ABI2: variants seen among roughly 807,000 people sequenced by gnomAD.
ABI2 encodes abelson interactor 2.
In ABI2, 25 loss-of-function variants were observed where a neutral mutation model predicts 59.2. The observed-to-expected ratio is 0.42, with a 90% CI of 0.31 to 0.59. ABI2 has a LOEUF of 0.59. ABI2 is among the 20% of genes least tolerant of loss of function. The pLI is 0.14. For synonymous variants in ABI2, 213 were observed against 235.5 expected (o/e 0.90, Z 0.87); for missense variants, 545 against 681.8 (o/e 0.80, Z 2.23).
rs1015558645 is a variant in ABI2, at chr2:203,428,555, T to C, written c.*1203T>C. On this transcript the variant is annotated 3_prime_UTR_variant, in exon 12 of 12. Transcript: ENST00000261018. ...CTAAGAATATAATGAATAAGATTAA[T>C]AGGCCAAAATATGTATCTAATCACA... 1.3e-5 allele frequency: 2 copies of C among 152,614 alleles called. No homozygotes were observed. The highest frequency in any genetic ancestry group is 1.3e-4 in the Admixed American group (2 of 15,272). The allele number at this position is 152,614 out of a possible 1,614,324, so 9.5% of individuals were successfully genotyped here. A position where few individuals can be genotyped will look rare whatever the true frequency, so the allele number is the denominator to read the frequency against.
intron 2 of ABI2, among the ~76,000 whole-genome samples, chr2:203,370,468 G>T (rs757788486): frequency 1.3e-5 from 2 of 151,902 alleles, no homozygotes; most frequent in African/African-American, 4.8e-5. Flanking sequence ...TTTCTTTTTT[G>T]TGTGTGTATT....
At position 203,391,128 on chromosome 2, in the gene ABI2, G is replaced by C; in HGVS notation, c.563G>C (p.Gly188Ala). The C allele has an allele frequency of 6.2e-7, 1 of 1,612,558 alleles. No homozygotes were observed. Residue 188 changes from glycine (G) to alanine (A), a missense_variant, in exon 5 of 12, where the codon GGG (glycine) becomes GCG (alanine). Coordinates refer to ENST00000261018, the MANE Select transcript of ABI2 (RefSeq NM_001375670.1). Reference sequence around the variant, plus strand: ...AAGCCCCCTAGTCCCCCTATGTCAGGGAAAGGGACACTTGGGTGAGTATAT... The same window carrying C: ...AAGCCCCCTAGTCCCCCTATGTCAGCGAAAGGGACACTTGGGTGAGTATAT... ...TQKPPSPPMS[G>A]KGTLGRHSPY...
intron 1 of ABI2, among the ~76,000 whole-genome samples, chr2:203,364,852 A>C (rs1040142137): frequency 1.3e-5 from 2 of 151,210 alleles, no homozygotes; most frequent in African/African-American, 4.9e-5. Flanking sequence ...TCCCACCTCA[A>C]CCTCTCTAGT....
chr2:203,332,182 A>G (rs577361269), intron 1 of ABI2, among the ~76,000 whole-genome samples: 42 of 152,048 alleles, frequency 2.8e-4, no homozygotes, highest in African/African-American at 8.7e-4. Context: ...GATAGTCAAT[A>G]TTTTTTCTAA....
At chr2:203,362,827 T>G (rs1051398152) in intron 1 of ABI2, among the ~76,000 whole-genome samples, 9 of 151,464 alleles carry the variant, frequency 5.9e-5, no homozygotes, top group African/African-American at 2.2e-4. Context: ...ACACCTAGCC[T>G]ATATTTTAAA....
At chr2:203,346,023 T>C (rs564271009) in intron 1 of ABI2, among the ~76,000 whole-genome samples, 50 of 151,342 alleles carry the variant, frequency 3.3e-4, no homozygotes, top group African/African-American at 1.0e-3. Context: ...CTACTAAAAA[T>C]ACACACGCGC....
intron 1 of ABI2, among the ~76,000 whole-genome samples, chr2:203,356,708 G>A (rs972756759): frequency 5.9e-5 from 9 of 152,072 alleles, no homozygotes; most frequent in African/African-American, 1.7e-4. Context: ...GTCTCACCAT[G>A]TTGCCCAGTC....
chr2:203,424,557 G>C (rs2098357652), intron 11 of ABI2, among the ~76,000 whole-genome samples: 1 of 151,982 alleles, frequency 6.6e-6, no homozygotes, highest in African/African-American at 2.4e-5. Context: ...ACCATGCCTG[G>C]CTAATTTATT....
intron 1 of ABI2, among the ~76,000 whole-genome samples, chr2:203,354,087 C>T (rs1309212740): frequency 1.3e-5 from 2 of 152,140 alleles, no homozygotes; most frequent in Non-Finnish European, 2.9e-5. Context: ...CTCTGTCGCC[C>T]AGGTTGGAGT....
chr2:203,343,368 CAT>C (rs559614903), intron 1 of ABI2, among the ~76,000 whole-genome samples: 114 of 152,246 alleles, frequency 7.5e-4, no homozygotes, highest in African/African-American at 2.6e-3. Context: ...TCTCAAAAAA[CAT>C]AAAAAAATTT....
At chr2:203,328,977 C>G (rs1254314131) in intron 1 of ABI2, 1 of 193,366 alleles carries the variant, frequency 5.2e-6, no homozygotes, top group African/African-American at 2.3e-5. Flanking sequence ...TGACGGAATC[C>G]TGCTCCCCAC....
At position 203,392,318 on chromosome 2, in the gene ABI2, CAACAACAACAACAA is replaced by C. The variant is rs1559313372; in HGVS notation, c.578+1176_578+1189del. Among the ~76,000 whole-genome samples, 53 of 106,544 alleles carry C rather than the reference CAACAACAACAACAA, an allele frequency of 5.0e-4. 1 individual carries two copies. Among genetic ancestry groups the C allele is most frequent in the Middle Eastern group, 5.0e-3 (1 of 202 alleles). The allele number at this position is 106,544 out of a possible 152,430, so 69.9% of individuals were successfully genotyped here. ...CCACCACCACCACCACCACCACCAA[CAACAACAACAACAA>C]CAACAACAACAAAACAACCACAAAC... On this transcript the variant is annotated intron_variant, in intron 5 of 11. Coordinates refer to ENST00000261018, the MANE Select transcript of ABI2 (RefSeq NM_001375670.1).
At chr2:203,380,555 T>G (rs1387974025) in intron 3 of ABI2, among the ~76,000 whole-genome samples, 171 bp downstream of exon 3, 1 of 152,222 alleles carries the variant, frequency 6.6e-6, no homozygotes, top group Non-Finnish European at 1.5e-5. Context: ...TTGCTTTTTC[T>G]TAGTGATGTA....
At position 203,431,766 on chromosome 2, in the gene ABI2, T is replaced by TA. The variant is rs2098485566; in HGVS notation, c.*4416dup. 1 of 151,782 alleles carries TA rather than the reference T, an allele frequency of 6.6e-6. No individual in the cohort carries two copies. The allele number at this position is 151,782 out of a possible 1,614,324, so 9.4% of individuals were successfully genotyped here. On this transcript the variant is annotated 3_prime_UTR_variant, in exon 12 of 12. Transcript: ENST00000261018. ...TATAAATGATCCTTGCTGAATATCT[T>TA]AAGGTTTTTTGTAAGAAAAAAGAAA...
chr2:203,384,029 T>C (rs559984608), intron 4 of ABI2, among the ~76,000 whole-genome samples: 5 of 152,302 alleles, frequency 3.3e-5, no homozygotes, highest in African/African-American at 1.2e-4. Context: ...AGTTTAACTT[T>C]TACTATTTTA....
At chr2:203,360,174 G>A (rs1042545903) in intron 1 of ABI2, among the ~76,000 whole-genome samples, 1 of 91,150 alleles carries the variant, frequency 1.1e-5, no homozygotes, top group Non-Finnish European at 2.0e-5. Flanking sequence ...GACAGAACGA[G>A]ACTCCATCTC....
chr2:203,401,435 A>G (rs1414227280), intron 8 of ABI2, among the ~76,000 whole-genome samples: 1 of 152,126 alleles, frequency 6.6e-6, no homozygotes, highest in Admixed American at 6.5e-5. Flanking sequence ...TGTCTGTAAG[A>G]AAAAGTTCTC....
At chr2:203,334,913 G>C (rs1478914213) in intron 1 of ABI2, among the ~76,000 whole-genome samples, 1 of 152,080 alleles carries the variant, frequency 6.6e-6, no homozygotes, top group African/African-American at 2.4e-5. Context: ...CGCCCGCCTC[G>C]GCCTCCCAAA....
chr2:203,372,734 G>T (rs1431561977), intron 2 of ABI2, among the ~76,000 whole-genome samples: 1 of 150,840 alleles, frequency 6.6e-6, no homozygotes, highest in African/African-American at 2.4e-5. Flanking sequence ...CCGGGCGGAG[G>T]GGCTCCTCAC....
Sources: gnomAD v4.1 joint callset for allele counts (sites outside exome capture counted in the v4.1 genomes callset) on GRCh38, gnomAD v4.1.1 for gene constraint, MANE v1.5 for transcripts, NCBI Gene and HGNC (gene_info 2026-07-23, HGNC 2026-07-21) for gene names.